Variants in TCF12 observed in about 807,000 individuals in gnomAD.
TCF12 encodes the protein DNA-binding protein HTF4.
In TCF12, 45 loss-of-function variants were observed where a neutral mutation model predicts 86.0. The ratio of observed to expected loss-of-function variants is 0.52; its 90% confidence interval spans 0.41 to 0.67. The LOEUF is 0.67. TCF12 is among the 30% of genes least tolerant of loss of function. The pLI is 0.00. For missense variants in TCF12, 881 were observed against 859.9 expected, an observed-to-expected ratio of 1.02 and a Z score of -0.31; for synonymous variants, 330 against 299.6, an observed-to-expected ratio of 1.10 and a Z score of -1.05.
chr15:57,170,697 T>TAA (rs1491363606), intron 6 of TCF12, among the ~76,000 whole-genome samples: 18 of 29,670 alleles, frequency 6.1e-4, no homozygotes, highest in African/African-American at 1.9e-3. Flanking sequence ...ATAATATATA[T>TAA]TATATATAAT....
intron 5 of TCF12, among the ~76,000 whole-genome samples, chr15:57,120,390 C>T (rs149585631): frequency 3.3e-5 from 5 of 152,298 alleles, no homozygotes; most frequent in African/African-American, 1.2e-4. Flanking sequence ...TTCATTTCTT[C>T]CCTTGGCCCT....
intron 3 of TCF12, among the ~76,000 whole-genome samples, chr15:56,979,739 G>C (rs529955613): frequency 3.3e-5 from 5 of 152,284 alleles, no homozygotes; most frequent in Admixed American, 2.0e-4. Flanking sequence ...TTGGTCACTT[G>C]ATGGTCAAGG....
chr15:57,150,851 C>T (rs1252613676), intron 5 of TCF12, among the ~76,000 whole-genome samples: 1 of 148,382 alleles, frequency 6.7e-6, no homozygotes, highest in African/African-American at 2.5e-5. Flanking sequence ...CCCTCCCTCC[C>T]TCCCTGTCTC....
chr15:57,155,434 A>T (rs1447536425), intron 5 of TCF12, among the ~76,000 whole-genome samples: 4 of 152,168 alleles, frequency 2.6e-5, no homozygotes, highest in African/African-American at 7.2e-5. Flanking sequence ...GTAAATTGCA[A>T]TACTGGAGAC....
At chr15:57,011,966 C>T (rs562860387) in intron 3 of TCF12, among the ~76,000 whole-genome samples, 1 of 152,130 alleles carries the variant, frequency 6.6e-6, no homozygotes, top group South Asian at 2.1e-4. Context: ...AACCTTGCTG[C>T]TTGTAATGGT....
At chr15:57,248,388 C>T (rs1269487886) in intron 13 of TCF12, among the ~76,000 whole-genome samples, 1 of 152,202 alleles carries the variant, frequency 6.6e-6, no homozygotes. Flanking sequence ...TTGTTTACTA[C>T]AGTTGTTATT....
intron 5 of TCF12, among the ~76,000 whole-genome samples, chr15:57,161,109 A>AT (rs2054477502): frequency 6.6e-6 from 1 of 152,184 alleles, no homozygotes; most frequent in African/African-American, 2.4e-5. Flanking sequence ...GATATTTGTA[A>AT]TTGAGATGGG....
intron 6 of TCF12, among the ~76,000 whole-genome samples, chr15:57,181,124 A>T (rs1213456035): frequency 3.2e-4 from 49 of 151,872 alleles, no homozygotes; most frequent in Admixed American, 2.6e-3. Flanking sequence ...GATGCTAATA[A>T]TTTTTGACCT....
chr15:57,045,796 T>C (rs541388270), intron 3 of TCF12, among the ~76,000 whole-genome samples: 1 of 152,162 alleles, frequency 6.6e-6, no homozygotes. Context: ...TGTGCCCTCC[T>C]TGCCCTCCCA....
intron 3 of TCF12, among the ~76,000 whole-genome samples, chr15:56,973,917 G>T (rs1376681000): frequency 6.6e-6 from 1 of 152,122 alleles, no homozygotes; most frequent in Non-Finnish European, 1.5e-5. Context: ...CTAATCATGA[G>T]AATGAGACAG....
At chr15:56,975,900 A>G (rs1367353005) in intron 3 of TCF12, among the ~76,000 whole-genome samples, 3 of 151,562 alleles carry the variant, frequency 2.0e-5, no homozygotes, top group Admixed American at 6.6e-5. Flanking sequence ...GTCACACTAG[A>G]TAATAGGAAG....
intron 3 of TCF12, among the ~76,000 whole-genome samples, chr15:56,936,847 A>G (rs894536001): frequency 6.6e-6 from 1 of 152,144 alleles, no homozygotes; most frequent in Non-Finnish European, 1.5e-5. Flanking sequence ...TTATTTTTAT[A>G]CTAGTACCAT....
In TCF12 at chr15:57,058,935, G is replaced by A. The variant is rs901819542; in HGVS notation, c.149-4815G>A. ...GTTTACAATTGATTGCAGCCTTTGAGTCTTATCTAAAGGAATATCCTTACT... is the reference window on the plus strand; with the variant it reads ...GTTTACAATTGATTGCAGCCTTTGAATCTTATCTAAAGGAATATCCTTACT... On this transcript the variant is annotated intron_variant, in intron 3 of 20. Coordinates refer to ENST00000333725, the MANE Select transcript of TCF12 (RefSeq NM_207037.2). Among the ~76,000 whole-genome samples, 10 of 152,068 alleles carry A rather than the reference G, an allele frequency of 6.6e-5. No individual in the cohort carries two copies. In the East Asian group the frequency reaches 1.9e-3, roughly 29 times the overall value.
intron 5 of TCF12, among the ~76,000 whole-genome samples, chr15:57,109,643 G>T (rs528950587): frequency 6.6e-6 from 1 of 152,028 alleles, no homozygotes; most frequent in East Asian, 1.9e-4. Context: ...CTATTGTTGC[G>T]TATAGTATTT....
intron 5 of TCF12, chr15:57,129,780 C>T (rs1238983262): frequency 2.0e-5 from 3 of 152,190 alleles, no homozygotes; most frequent in Admixed American, 6.5e-5. Flanking sequence ...ATTCCTTCTC[C>T]AGTTTCACAG....
At chr15:57,168,255 AG>A (rs2055048083) in intron 6 of TCF12, among the ~76,000 whole-genome samples, 1 of 152,250 alleles carries the variant, frequency 6.6e-6, no homozygotes, top group Non-Finnish European at 1.5e-5. Context: ...TTTTTTAAAC[AG>A]TTGTTAAACA....
intron 3 of TCF12, among the ~76,000 whole-genome samples, chr15:57,013,100 T>C (rs746259075): frequency 2.6e-5 from 4 of 152,092 alleles, no homozygotes; most frequent in Admixed American, 6.6e-5. Context: ...TAGTCTCTTC[T>C]CTAGGTTTCT....
At chr15:57,086,749 T>A (rs981785687) in intron 4 of TCF12, among the ~76,000 whole-genome samples, 5 of 149,046 alleles carry the variant, frequency 3.4e-5, no homozygotes, top group Non-Finnish European at 7.4e-5. Flanking sequence ...AATTGAAAAA[T>A]TTTTTAATAG....
chr15:57,274,403 T>C (rs374644075), intron 19 of TCF12, among the ~76,000 whole-genome samples: 1 of 152,236 alleles, frequency 6.6e-6, no homozygotes, highest in African/African-American at 2.4e-5. Flanking sequence ...TAAAAATGGA[T>C]ACTTGCTCCT....
Sources: gnomAD v4.1 joint callset for allele counts (sites outside exome capture counted in the v4.1 genomes callset) on GRCh38, gnomAD v4.1.1 for gene constraint, MANE v1.5 for transcripts, NCBI Gene and HGNC (gene_info 2026-07-23, HGNC 2026-07-21) for gene names.